OR4D9: variants seen among roughly 807,000 people sequenced by gnomAD.
OR4D9 encodes the protein olfactory receptor 4D9.
OR4D9 carries 2 observed loss-of-function variants against 0.8 expected under a neutral mutation model. The ratio of observed to expected loss-of-function variants is 2.58; its 90% CI spans 1.06 to 8.13. The LOEUF is 8.13. Ranked by LOEUF, OR4D9 falls within the 30% of genes most tolerant of loss-of-function variation. The pLI, the probability that OR4D9 is intolerant of heterozygous loss-of-function variation, is 0.04. For synonymous variants in OR4D9, 146 were observed against 151.2 expected, an observed-to-expected ratio of 0.97 and a Z score of 0.25; for missense variants, 399 against 384.7, an observed-to-expected ratio of 1.04 and a Z score of -0.31.
Position 59,515,544 on chromosome 11 carries a change from T to C in OR4D9, c.632T>C (p.Phe211Ser). ...SNNGLVSWFV[F>S]FFLLISYTVI... is the part of the protein sequence containing the mutation. ...AATGGGTTAGTCAGTTGGTTTGTAT[T>C]CTTCTTTCTCCTCATATCTTACACG... Residue 211 changes from phenylalanine to serine, a missense_variant, in exon 3 of 3, where the codon TTC (phenylalanine) becomes TCC (serine). By Grantham distance (155) the Phe-to-Ser change is radical. Transcript: ENST00000641962. 1 of 1,614,176 alleles carries C rather than the reference T, an allele frequency of 6.2e-7. No homozygotes were observed. The highest frequency in any genetic ancestry group is 1.1e-5 in the South Asian group (1 of 91,074).
rs1378370883 is a variant in OR4D9, at chr11:59,518,588, A to G, written c.*2731A>G. 2 of 152,206 alleles carry G rather than the reference A, an allele frequency of 1.3e-5. No individual in the cohort carries two copies. Among genetic ancestry groups the G allele is most frequent in the Non-Finnish European group, 2.9e-5 (2 of 68,054 alleles). The allele number at this position is 152,206 out of a possible 1,614,324, so 9.4% of individuals were successfully genotyped here. ...ATTTTCATAGAGATGAGGTCTCACT[A>G]AGTTGCCCAGGCTGGTTGAAATTCT... is the stretch of plus-strand genomic sequence containing the variant. On this transcript the variant is annotated 3_prime_UTR_variant, in exon 3 of 3. Transcript: ENST00000641962.
At position 59,518,861 on chromosome 11, in the gene OR4D9, C is replaced by G. The variant is rs75611272; in HGVS notation, c.*3004C>G. 4 of 152,270 alleles carry G rather than the reference C, an allele frequency of 2.6e-5. No homozygotes were observed. Among genetic ancestry groups the G allele is most frequent in the African/African-American group, 7.2e-5 (3 of 41,548 alleles). The allele number at this position is 152,270 out of a possible 1,614,324, so 9.4% of individuals were successfully genotyped here. ...TTATGACCACTTTCATTGGCCAGCC[C>G]TTGGTCACATAGCCTCACCTGACAG... is the stretch of plus-strand genomic sequence containing the variant. On this transcript the variant is annotated 3_prime_UTR_variant, in exon 3 of 3. Transcript: ENST00000641962.
In OR4D9 at chr11:59,520,254, T is replaced by A. The variant is rs758089446; in HGVS notation, c.*4397T>A. 1 of 151,910 alleles carries A rather than the reference T, an allele frequency of 6.6e-6. No homozygotes were observed. The highest frequency in any genetic ancestry group is 1.5e-5 in the Non-Finnish European group (1 of 67,980). The allele number at this position is 151,910 out of a possible 1,614,324, so 9.4% of individuals were successfully genotyped here. On this transcript the variant is annotated 3_prime_UTR_variant, in exon 3 of 3. Transcript: ENST00000641962. ...ACCCCAGCAACACACAATTTACTCA[T>A]GTAACAAGCCTACACATGCACCCGT...
At chr11:59,513,109 T>G (rs1171410682) in intron 1 of OR4D9, among the ~76,000 whole-genome samples, 1 of 152,006 alleles carries the variant, frequency 6.6e-6, no homozygotes, top group Non-Finnish European at 1.5e-5. Flanking sequence ...GGAGTCTCGC[T>G]CTGTCACCAG....
At position 59,511,744 on chromosome 11, in the gene OR4D9, G is replaced by T. The variant is rs962626155; in HGVS notation, c.-127G>T. ...CAAGACTCTTAAGAAGCAAAGAAAA[G>T]AGGTAGTTTTTCACTATTAGAAAGA... On this transcript the variant is annotated splice_region_variant and 5_prime_UTR_variant, in exon 1 of 3. An upstream open reading frame in the 5' UTR gains an earlier in-frame stop. Coordinates refer to ENST00000641962, the MANE Select transcript of OR4D9 (RefSeq NM_001004711.2). The T allele has an allele frequency of 6.6e-6, 1 of 152,196 alleles. No homozygotes were observed. Among genetic ancestry groups the T allele is most frequent in the Non-Finnish European group, 1.5e-5 (1 of 68,036 alleles). The allele number at this position is 152,196 out of a possible 1,614,324, so 9.4% of individuals were successfully genotyped here.
Position 59,514,953 on chromosome 11 carries a change from T to C in OR4D9, c.41T>C (p.Phe14Ser), listed in dbSNP as rs1364948202. 2 of 1,613,708 alleles carry C rather than the reference T, an allele frequency of 1.2e-6. No homozygotes were observed. Among genetic ancestry groups the C allele is most frequent in the Admixed American group, 1.7e-5 (1 of 59,960 alleles). The change falls in exon 3 of 3, where the codon TTC (phenylalanine) becomes TCC (serine). Residue 14 changes from phenylalanine (F) to serine (S), a missense_variant. By Grantham distance (155) the Phe-to-Ser change is radical. Coordinates refer to ENST00000641962, the MANE Select transcript of OR4D9 (RefSeq NM_001004711.2). ...TACACCAGAGTGAAAGAATTTACCT[T>C]CCTGGGAATTACTCAGTCCCGAGAA... ...RNYTRVKEFT[F>S]LGITQSRELS...
In OR4D9 at chr11:59,515,234, G is replaced by A. The variant is rs757321631; in HGVS notation, c.322G>A (p.Gly108Arg). ...VTQMFFFHLL[G>R]GADVFSLSVM... is the part of the protein sequence containing the mutation. ...TCAAATGTTCTTCTTCCACCTTCTG[G>A]GGGGAGCAGACGTTTTTTCTCTCTC... The change falls in exon 3 of 3, where the codon GGG becomes AGG. Residue 108 changes from glycine to arginine, a missense_variant. By Grantham distance (125) the Gly-to-Arg change is moderately radical. Transcript: ENST00000641962. 1.2e-6 allele frequency: 2 copies of A among 1,613,702 alleles called. No homozygotes were observed. Among genetic ancestry groups the A allele is most frequent in the South Asian group, 1.1e-5 (1 of 91,040 alleles).
chr11:59,517,830 CA>C lies in OR4D9; in HGVS notation c.*1985del, dbSNP rs34045176. On this transcript the variant is annotated 3_prime_UTR_variant, in exon 3 of 3. Coordinates refer to ENST00000641962, the MANE Select transcript of OR4D9 (RefSeq NM_001004711.2). ...TGGGCGACAGAGCGAGACTCCAACT[CA>C]AAAAAAAAAAAGGAGAAGAATCACT... 1.7e-3 allele frequency: 225 copies of C among 133,966 alleles called. No individual in the cohort carries two copies. The highest frequency in any genetic ancestry group is 4.0e-3 in the Middle Eastern group (1 of 252). 8.3% of individuals were successfully genotyped at this position (133,966 alleles called of 1,614,324 possible).
intron 1 of OR4D9, among the ~76,000 whole-genome samples, chr11:59,514,229 A>C (rs1191280518): frequency 6.6e-6 from 1 of 152,220 alleles, no homozygotes; most frequent in Non-Finnish European, 1.5e-5. Flanking sequence ...TTACACACCC[A>C]CTAGCAGTGT....
In OR4D9 at chr11:59,519,544, G is replaced by A. The variant is rs1217714380; in HGVS notation, c.*3687G>A. The A allele has an allele frequency of 2.0e-5, 3 of 152,094 alleles. No individual in the cohort carries two copies. The highest frequency in any genetic ancestry group is 2.1e-4 in the South Asian group (1 of 4,822). The allele number at this position is 152,094 out of a possible 1,614,324, so 9.4% of individuals were successfully genotyped here. On this transcript the variant is annotated 3_prime_UTR_variant, in exon 3 of 3. Coordinates refer to ENST00000641962, the MANE Select transcript of OR4D9 (RefSeq NM_001004711.2). ...CAGGGTTCCATGAGATAGAACATTA[G>A]GGTAGAGTGCCCCAAGAAGATAGGC...
intron 1 of OR4D9, 117 bp from the exon 2 acceptor site, chr11:59,514,556 T>C (rs1859374089): frequency 5.7e-6 from 1 of 174,042 alleles, no homozygotes; most frequent in South Asian, 1.9e-4. Flanking sequence ...ATGATGCTTT[T>C]ATGAACAGAA....
chr11:59,519,801 C>T lies in OR4D9; in HGVS notation c.*3944C>T, dbSNP rs916585541. The T allele has an allele frequency of 2.0e-5, 3 of 152,192 alleles. No individual in the cohort carries two copies. In the South Asian group the frequency reaches 6.2e-4, roughly 31 times the overall value. The allele number at this position is 152,192 out of a possible 1,614,324, so 9.4% of individuals were successfully genotyped here. Reference sequence around the variant, plus strand: ...ACAGTAGCAAAGACAAGGAATCAGCCTAGGTGCCCATCAATGGTGGACTAG... The same window carrying T: ...ACAGTAGCAAAGACAAGGAATCAGCTTAGGTGCCCATCAATGGTGGACTAG... On this transcript the variant is annotated 3_prime_UTR_variant, in exon 3 of 3. Transcript: ENST00000641962.
rs1859329803 is a variant in OR4D9 at position 59,511,706 on chromosome 11, T to C, written c.-165T>C. On this transcript the variant is annotated 5_prime_UTR_variant, in exon 1 of 3. Coordinates refer to ENST00000641962, the MANE Select transcript of OR4D9 (RefSeq NM_001004711.2). The stretch of plus-strand genomic sequence containing the variant: ...AGAAATGCTGCAAATGTGTAGAATG[T>C]TCCTATGGAAGTCAAGACTCTTAAG... 6.6e-6 allele frequency: 1 copy of C among 152,232 alleles called. No individual in the cohort carries two copies. Among genetic ancestry groups the C allele is most frequent in the African/African-American group, 2.4e-5 (1 of 41,456 alleles). The allele number at this position is 152,232 out of a possible 1,614,324, so 9.4% of individuals were successfully genotyped here. A position where few individuals can be genotyped will look rare whatever the true frequency, so the allele number is the denominator to read the frequency against.
chr11:59,516,102 A>C lies in OR4D9; in HGVS notation c.*245A>C. On this transcript the variant is annotated 3_prime_UTR_variant, in exon 3 of 3. Transcript: ENST00000641962. ...CAAATTTTTATAGAGCATACACTAT[A>C]TGTCTGAAAGTACTGGGATTCAGAT... 2.4e-6 allele frequency: 1 copy of C among 413,058 alleles called. No homozygotes were observed. Among genetic ancestry groups the C allele is most frequent in the Non-Finnish European group, 4.3e-6 (1 of 232,834 alleles). 25.6% of individuals were successfully genotyped at this position (413,058 alleles called of 1,614,324 possible). A position where few individuals can be genotyped will look rare whatever the true frequency, so the allele number is the denominator to read the frequency against.
Position 59,515,708 on chromosome 11 carries a change from C to T in OR4D9, c.796C>T (p.Pro266Ser), listed in dbSNP as rs754390960. The change falls in exon 3 of 3, where the codon CCC (proline) becomes TCC (serine). Residue 266 changes from proline to serine, a missense_variant. Coordinates refer to ENST00000641962, the MANE Select transcript of OR4D9 (RefSeq NM_001004711.2). ...CTATGCCCGGCCCTTCACTGCCCTC[C>T]CCACAGACACTGCCATCTCTGTCAC... is the stretch of plus-strand genomic sequence containing the variant. ...YVYARPFTAL[P>S]TDTAISVTFT... 1.2e-6 allele frequency: 2 copies of T among 1,614,114 alleles called. No individual in the cohort carries two copies. Among genetic ancestry groups the T allele is most frequent in the South Asian group, 1.1e-5 (1 of 91,074 alleles).
chr11:59,514,351 A>G lies in OR4D9; in HGVS notation c.-124-322A>G, dbSNP rs527363610. 1.3e-4 allele frequency among the ~76,000 whole-genome samples: 20 copies of G among 152,308 alleles called. No homozygotes were observed. In the South Asian group the frequency reaches 4.1e-3, roughly 32 times the overall value. ...TATATTGTGGCTTATTGCTATAACT[A>G]ATGAAGTTGAATTGGCATTTGGATA... On this transcript the variant is annotated intron_variant, in intron 1 of 2. Coordinates refer to ENST00000641962, the MANE Select transcript of OR4D9 (RefSeq NM_001004711.2).
chr11:59,515,237 G>T lies in OR4D9; in HGVS notation c.325G>T (p.Gly109Ter). 6.2e-7 allele frequency: 1 copy of T among 1,613,466 alleles called. No individual in the cohort carries two copies. Among genetic ancestry groups the T allele is most frequent in the Non-Finnish European group, 8.5e-7 (1 of 1,179,888 alleles). Residue 109 changes from glycine to a stop codon, truncating the protein, a stop_gained, in exon 3 of 3, where the codon GGA becomes TGA. Coordinates refer to ENST00000641962, the MANE Select transcript of OR4D9 (RefSeq NM_001004711.2). LOFTEE classifies it low-confidence loss of function (END_TRUNC). ...AATGTTCTTCTTCCACCTTCTGGGG[G>T]GAGCAGACGTTTTTTCTCTCTCTGT... ...TQMFFFHLLG[G>*]ADVFSLSVMA...
chr11:59,514,527 T>C (rs1859373711), intron 1 of OR4D9, 146 bp from the exon 2 acceptor site: 1 of 162,578 alleles, frequency 6.2e-6, no homozygotes, highest in Non-Finnish European at 1.3e-5. Flanking sequence ...CATTTGCAGG[T>C]TATCTTTGAA....
chr11:59,513,930 C>T (rs1198057306), intron 1 of OR4D9, among the ~76,000 whole-genome samples: 4 of 152,084 alleles, frequency 2.6e-5, no homozygotes, highest in Admixed American at 2.6e-4. Flanking sequence ...ATAAGCTCAC[C>T]ACTGCACTCC....
Sources: gnomAD v4.1 joint callset for allele counts (sites outside exome capture counted in the v4.1 genomes callset) on GRCh38, gnomAD v4.1.1 for gene constraint, MANE v1.5 for transcripts, NCBI Gene and HGNC (gene_info 2026-07-23, HGNC 2026-07-21) for gene names.